HECW1: variants seen among roughly 807,000 people sequenced by gnomAD.
HECW1 encodes HECT, C2 and WW domain containing E3 ubiquitin protein ligase 1.
Under a neutral mutation model 182.3 loss-of-function variants are expected in HECW1, and 61 were observed. That is an observed-to-expected ratio of 0.33 (90% CI 0.27 to 0.41). The LOEUF is 0.41. HECW1 is among the 10% of genes least tolerant of loss of function. HECW1 has a pLI of 1.00. For missense variants in HECW1, 1,739 were observed against 2,108.9 expected (o/e 0.82, Z 3.44); for synonymous variants, 859 against 832.6 (o/e 1.03, Z -0.55).
At chr7:43,552,607 G>A (rs1206731592) in intron 28 of HECW1, among the ~76,000 whole-genome samples, 2 of 152,024 alleles carry the variant, frequency 1.3e-5, no homozygotes, top group Non-Finnish European at 2.9e-5. Flanking sequence ...CCATCAATCT[G>A]CCTTCTGTCT....
chr7:43,271,305 A>G (rs1249263354), intron 3 of HECW1, among the ~76,000 whole-genome samples: 1 of 152,222 alleles, frequency 6.6e-6, no homozygotes, highest in African/African-American at 2.4e-5. Context: ...AACTGGAACA[A>G]GAAAAGGATA....
At chr7:43,117,153 A>G (rs1322647058) in intron 2 of HECW1, among the ~76,000 whole-genome samples, 1 of 152,218 alleles carries the variant, frequency 6.6e-6, no homozygotes, top group Non-Finnish European at 1.5e-5. Context: ...AGTGGTGGAA[A>G]AAGTATGCAA....
chr7:43,521,696 G>A (rs962705843), intron 24 of HECW1, among the ~76,000 whole-genome samples: 1 of 152,166 alleles, frequency 6.6e-6, no homozygotes, highest in East Asian at 1.9e-4. Context: ...ACAACATGGT[G>A]AAACCCCATC....
At chr7:43,486,762 A>C (rs374925907) in intron 17 of HECW1, among the ~76,000 whole-genome samples, 13 of 152,340 alleles carry the variant, frequency 8.5e-5, no homozygotes, top group African/African-American at 3.1e-4. Context: ...TGTATGAACA[A>C]TATGTAATGA....
chr7:43,247,089 A>G (rs11971844), intron 3 of HECW1, among the ~76,000 whole-genome samples: 7,447 of 152,260 alleles, frequency 0.049, 352 homozygotes, highest in African/African-American at 0.12. Flanking sequence ...GCACAGCTCC[A>G]TGTCTGCTAT....
chr7:43,300,726 G>A (rs1806649093), intron 3 of HECW1, among the ~76,000 whole-genome samples: 1 of 152,116 alleles, frequency 6.6e-6, no homozygotes. Flanking sequence ...CAACCCCACT[G>A]TGTACTGATG....
At chr7:43,550,123 G>A (rs955035282) in intron 26 of HECW1, among the ~76,000 whole-genome samples, 23 of 151,824 alleles carry the variant, frequency 1.5e-4, no homozygotes. Flanking sequence ...AGAAGAAGAA[G>A]AAGAAAGAAA....
chr7:43,541,993 G>A lies in HECW1; in HGVS notation c.4243G>A (p.Gly1415Arg). 6.6e-7 allele frequency: 1 copy of A among 1,525,234 alleles called. No homozygotes were observed. Among genetic ancestry groups the A allele is most frequent in the Non-Finnish European group, 8.8e-7 (1 of 1,138,668 alleles). 94.5% of individuals were successfully genotyped at this position (1,525,234 alleles called of 1,614,324 possible). A position where few individuals can be genotyped will look rare whatever the true frequency, so the allele number is the denominator to read the frequency against. The change falls in exon 26 of 30, where the codon GGA (glycine) becomes AGA (arginine). Residue 1415 changes from glycine to arginine, a missense_variant. Around this residue, in one of 5 missense-constraint regions of HECW1, gnomAD observed 420 missense variants for 595.7 expected, o/e 0.71. Coordinates refer to ENST00000395891, the MANE Select transcript of HECW1 (RefSeq NM_015052.5). ...LTFTVNEEVF[G>R]QVTERELKSG... is the part of the protein sequence containing the mutation. Reference sequence around the variant, plus strand: ...TTTCACTGTTAATGAAGAGGTTTTTGGACAGGTTTGTGTGACATGGGGTTT... The same window carrying A: ...TTTCACTGTTAATGAAGAGGTTTTTAGACAGGTTTGTGTGACATGGGGTTT...
intron 8 of HECW1, among the ~76,000 whole-genome samples, chr7:43,421,067 T>G (rs2076166867): frequency 6.6e-6 from 1 of 152,154 alleles, no homozygotes; most frequent in African/African-American, 2.4e-5. Flanking sequence ...CTCTAAGAAT[T>G]AAATAGTGTG....
chr7:43,526,709 G>GAT lies in HECW1; in HGVS notation c.4020-14450_4020-14449dup, dbSNP rs567866330. ...TTCCTGTATTATCCAGTTAGATGAA[G>GAT]ATATAGCAGGGCCAGGTGCAGTGGC... On this transcript the variant is annotated intron_variant, in intron 24 of 29. Coordinates refer to ENST00000395891, the MANE Select transcript of HECW1 (RefSeq NM_015052.5). 3.9e-5 allele frequency among the ~76,000 whole-genome samples: 6 copies of GAT among 152,350 alleles called. No homozygotes were observed. The South Asian group carries it at 1.2e-3, about 32-fold the overall frequency.
At position 43,564,841 on chromosome 7, in the gene HECW1, A is replaced by C; in HGVS notation, c.*2915A>C. 5.5e-6 allele frequency: 1 copy of C among 183,342 alleles called. No homozygotes were observed. 11.4% of individuals were successfully genotyped at this position (183,342 alleles called of 1,614,324 possible). ...GGAGGTATAAACCACCTTAAATTAT[A>C]TAGTTCGGCAGAAAGACAGATCTAT... On this transcript the variant is annotated 3_prime_UTR_variant, in exon 30 of 30. Coordinates refer to ENST00000395891, the MANE Select transcript of HECW1 (RefSeq NM_015052.5).
chr7:43,187,411 A>G (rs967719119), intron 2 of HECW1, among the ~76,000 whole-genome samples: 7 of 152,174 alleles, frequency 4.6e-5, no homozygotes, highest in African/African-American at 1.7e-4. Flanking sequence ...ACCACATACC[A>G]TAATTTTGGG....
intron 24 of HECW1, among the ~76,000 whole-genome samples, chr7:43,516,611 G>A (rs927008534): frequency 2.6e-5 from 4 of 152,122 alleles, no homozygotes; most frequent in Non-Finnish European, 5.9e-5. Flanking sequence ...ACTGAAATAG[G>A]TGAGTTCCTT....
chr7:43,255,521 C>A (rs1800464493), intron 3 of HECW1, among the ~76,000 whole-genome samples: 1 of 151,190 alleles, frequency 6.6e-6, no homozygotes, highest in South Asian at 2.1e-4. Flanking sequence ...CACTTGAACC[C>A]AGGAGGCAGA....
At chr7:43,477,402 A>T (rs2078259062) in intron 16 of HECW1, among the ~76,000 whole-genome samples, 1 of 152,240 alleles carries the variant, frequency 6.6e-6, no homozygotes, top group African/African-American at 2.4e-5. Context: ...CTCAGCATGT[A>T]TTTGAATAAT....
At chr7:43,506,909 A>G (rs1010756921) in intron 21 of HECW1, among the ~76,000 whole-genome samples, 3 of 152,192 alleles carry the variant, frequency 2.0e-5, no homozygotes, top group Non-Finnish European at 4.4e-5. Flanking sequence ...TGTACTAAAA[A>G]TACAAAAAAA....
intron 3 of HECW1, among the ~76,000 whole-genome samples, chr7:43,253,034 G>T (rs566006245): frequency 6.6e-6 from 1 of 152,100 alleles, no homozygotes; most frequent in Non-Finnish European, 1.5e-5. Context: ...AAGTCTGTCT[G>T]CTCAGTAAAA....
intron 2 of HECW1, among the ~76,000 whole-genome samples, chr7:43,211,682 C>T (rs1206542093): frequency 1.1e-4 from 16 of 152,168 alleles, no homozygotes; most frequent in African/African-American, 2.4e-5. Context: ...GGGGGGCGTT[C>T]CCCCTTGCCT....
intron 5 of HECW1, among the ~76,000 whole-genome samples, chr7:43,321,237 G>C (rs2152781230): frequency 6.6e-6 from 1 of 152,340 alleles, no homozygotes; most frequent in East Asian, 1.9e-4. Context: ...AGGGCTGTGA[G>C]ACATTGGTAC....
Sources: allele counts gnomAD v4.1 joint callset (sites outside exome capture counted in the v4.1 genomes callset), GRCh38; gene constraint gnomAD v4.1.1; regional missense constraint gnomAD v4.1.1; transcripts MANE v1.5; gene names NCBI Gene and HGNC (gene_info 2026-07-23, HGNC 2026-07-21).